The following MOB3B variants were observed in gnomAD, a reference collection of about 807,000 sequenced individuals.
The protein encoded by MOB3B is MOB kinase activator 3B.
Under a neutral mutation model 18.7 loss-of-function variants are expected in MOB3B, and 7 were observed. The ratio of observed to expected loss-of-function variants is 0.37; its 90% confidence interval spans 0.21 to 0.70. The LOEUF (loss-of-function observed/expected upper bound fraction) is 0.70, where lower values mean the gene tolerates loss of function less well. MOB3B is among the 30% of genes least tolerant of loss of function. The probability of loss-of-function intolerance (pLI) is 0.52; values close to 1 mark genes in which losing one functional copy is unlikely to be tolerated. For synonymous variants in MOB3B, 111 were observed against 99.9 expected, an observed-to-expected ratio of 1.11 and a Z score of -0.66; for missense variants, 253 against 281.3, an observed-to-expected ratio of 0.90 and a Z score of 0.72.
At chr9:27,457,456 C>G (rs960373909) in intron 1 of MOB3B, among the ~76,000 whole-genome samples, 2 of 152,216 alleles carry the variant, frequency 1.3e-5, no homozygotes, top group Non-Finnish European at 2.9e-5. Context: ...CCATTCCACA[C>G]TCAAACAGGG....
In MOB3B at chr9:27,329,834, C is replaced by T. The variant is rs1820761766; in HGVS notation, c.*753G>A. On this transcript the variant is annotated 3_prime_UTR_variant, in exon 4 of 4. Transcript: ENST00000262244. Reference sequence around the variant, plus strand: ...TGATGGTGGTTATAAAAAATACATTCTGATCAGGTGAACTGGTAACTTGTC... The same window carrying T: ...TGATGGTGGTTATAAAAAATACATTTTGATCAGGTGAACTGGTAACTTGTC... 1 of 152,644 alleles carries T rather than the reference C, an allele frequency of 6.6e-6. No homozygotes were observed. Among genetic ancestry groups the T allele is most frequent in the Non-Finnish European group, 1.5e-5 (1 of 68,038 alleles). The allele number at this position is 152,644 out of a possible 1,614,324, so 9.5% of individuals were successfully genotyped here.
intron 2 of MOB3B, among the ~76,000 whole-genome samples, chr9:27,413,741 G>T (rs1286598668): frequency 6.6e-6 from 1 of 152,194 alleles, no homozygotes; most frequent in Non-Finnish European, 1.5e-5. Flanking sequence ...GTTGAAAGTA[G>T]GGGTGGGACA....
At chr9:27,345,262 T>C (rs1821015751) in intron 3 of MOB3B, among the ~76,000 whole-genome samples, 3 of 152,148 alleles carry the variant, frequency 2.0e-5, no homozygotes, top group Admixed American at 2.0e-4. Context: ...TGTGGATGTG[T>C]TGCCAGGTTG....
intron 2 of MOB3B, among the ~76,000 whole-genome samples, chr9:27,372,467 G>C (rs567934461): frequency 5.0e-4 from 76 of 152,272 alleles, no homozygotes; most frequent in Non-Finnish European, 9.1e-4. Flanking sequence ...GGCTATGCTT[G>C]GTGAGTTGCT....
rs564413194 is a variant in MOB3B, at chr9:27,419,874, A to T, written c.418+35259T>A. 1.8e-4 allele frequency among the ~76,000 whole-genome samples: 28 copies of T among 152,330 alleles called. 1 individual carries two copies. In the South Asian group the frequency reaches 5.2e-3, roughly 28 times the overall value. The stretch of plus-strand genomic sequence containing the variant: ...TCAGCAGAGTAAATAGAAAACCCAC[A>T]GAGTGGGAGAAAATCTTCACAATCT... On this transcript the variant is annotated intron_variant, in intron 2 of 3. Transcript: ENST00000262244.
chr9:27,391,200 C>T (rs551795070), intron 2 of MOB3B, among the ~76,000 whole-genome samples: 49 of 152,338 alleles, frequency 3.2e-4, no homozygotes, highest in Admixed American at 1.8e-3. Flanking sequence ...AAATGTACCA[C>T]GTTCACAGGA....
At chr9:27,340,500 C>T (rs534559622) in intron 3 of MOB3B, among the ~76,000 whole-genome samples, 6 of 152,168 alleles carry the variant, frequency 3.9e-5, no homozygotes, top group Non-Finnish European at 5.9e-5. Context: ...CATAGTGCAT[C>T]GTGAAAGCAA....
At chr9:27,449,552 CAA>C (rs1245277771) in intron 2 of MOB3B, among the ~76,000 whole-genome samples, 2 of 152,158 alleles carry the variant, frequency 1.3e-5, no homozygotes, top group Non-Finnish European at 2.9e-5. Context: ...TGATTAAGCC[CAA>C]GTCTATCTAC....
chr9:27,472,950 A>G lies in MOB3B; in HGVS notation c.-198-17202T>C, dbSNP rs537964477. On this transcript the variant is annotated intron_variant, in intron 1 of 3. Coordinates refer to ENST00000262244, the MANE Select transcript of MOB3B (RefSeq NM_024761.5). ...TCTAAAAGTCACTTTGGTGCATCTC[A>G]AATGCACGTCTTTACATAACTGATC... Among the ~76,000 whole-genome samples the G allele has an allele frequency of 4.6e-5, 7 of 152,362 alleles. No individual in the cohort carries two copies. In the South Asian group the frequency reaches 1.4e-3, roughly 32 times the overall value.
At position 27,524,195 on chromosome 9, in the gene MOB3B, C is replaced by T. The variant is rs191907550; in HGVS notation, c.-199+5360G>A. 283 of 675,232 alleles carry T rather than the reference C, an allele frequency of 4.2e-4. 2 individuals carry two copies. In the African/African-American group the frequency reaches 5.0e-3, roughly 12 times the overall value. The allele number at this position is 675,232 out of a possible 1,614,324, so 41.8% of individuals were successfully genotyped here. ...AAGCCTCAGAGGCAAAGGAAAGGGG[C>T]CGCAACCTTGGTTAACTGTGAAATG... On this transcript the variant is annotated intron_variant, in intron 1 of 3. Transcript: ENST00000262244.
chr9:27,409,325 C>T (rs541064640), intron 2 of MOB3B, among the ~76,000 whole-genome samples: 37 of 152,282 alleles, frequency 2.4e-4, no homozygotes, highest in African/African-American at 8.4e-4. Context: ...AATTCAGAGA[C>T]GATCACAGCC....
intron 3 of MOB3B, among the ~76,000 whole-genome samples, chr9:27,353,060 A>T (rs1821129534): frequency 6.6e-6 from 1 of 152,130 alleles, no homozygotes; most frequent in Admixed American, 6.5e-5. Flanking sequence ...TTTTTGCTTT[A>T]CTTCCCCACC....
intron 1 of MOB3B, among the ~76,000 whole-genome samples, chr9:27,514,311 A>G (rs993821694): frequency 6.7e-5 from 10 of 148,294 alleles, no homozygotes; most frequent in Non-Finnish European, 1.5e-4. Flanking sequence ...CAGAGAAAAT[A>G]AAGTCAACTC....
intron 2 of MOB3B, among the ~76,000 whole-genome samples, chr9:27,385,322 C>T (rs933964643): frequency 6.6e-6 from 1 of 152,174 alleles, no homozygotes; most frequent in Admixed American, 6.5e-5. Context: ...TTATTGAGCA[C>T]TTCCAAGTGT....
chr9:27,520,360 G>T (rs1212256213), intron 1 of MOB3B, among the ~76,000 whole-genome samples: 3 of 152,158 alleles, frequency 2.0e-5, no homozygotes, highest in Non-Finnish European at 4.4e-5. Flanking sequence ...GCCATGCCAG[G>T]GAAATAAGAA....
Position 27,379,940 on chromosome 9 carries a change from G to A in MOB3B, c.419-20704C>T, listed in dbSNP as rs563902586. Among the ~76,000 whole-genome samples, 23 of 152,180 alleles carry A rather than the reference G, an allele frequency of 1.5e-4. No homozygotes were observed. In the East Asian group the frequency reaches 1.5e-3, roughly 10 times the overall value. ...CCTAAAAATAAAACAAAACTTGTTC[G>A]TTAAAAGTGCTTCCATTCAGTTATA... On this transcript the variant is annotated intron_variant, in intron 2 of 3. Transcript: ENST00000262244.
intron 1 of MOB3B, among the ~76,000 whole-genome samples, chr9:27,492,594 A>G (rs912236563): frequency 6.6e-6 from 1 of 152,236 alleles, no homozygotes; most frequent in Non-Finnish European, 1.5e-5. Context: ...ACCATTTACC[A>G]AAACTGCATC....
chr9:27,523,134 A>G (rs970374974), intron 1 of MOB3B, among the ~76,000 whole-genome samples: 2 of 152,042 alleles, frequency 1.3e-5, no homozygotes, highest in Admixed American at 6.5e-5. Context: ...TTTTTTCTTG[A>G]GAAGATATAA....
intron 1 of MOB3B, among the ~76,000 whole-genome samples, chr9:27,456,702 T>C (rs1330259576): frequency 1.3e-5 from 2 of 152,192 alleles, no homozygotes; most frequent in Non-Finnish European, 2.9e-5. Context: ...TAGACAGCAC[T>C]TTGAGGCAGA....
Sources: gnomAD v4.1 joint callset for allele counts (sites outside exome capture counted in the v4.1 genomes callset) on GRCh38, gnomAD v4.1.1 for gene constraint, MANE v1.5 for transcripts, NCBI Gene and HGNC (gene_info 2026-07-23, HGNC 2026-07-21) for gene names.